Variants in COL16A1 observed in about 807,000 individuals in gnomAD.
COL16A1 encodes collagen alpha-1(XVI) chain.
COL16A1 carries 189 observed loss-of-function variants against 266.3 expected under a neutral mutation model. The observed-to-expected ratio is 0.71, with a 90% CI of 0.63 to 0.80. COL16A1 has a LOEUF of 0.80. Among genes scored for constraint, COL16A1 ranks in the 30% least tolerant of loss-of-function variants. The probability of loss-of-function intolerance (pLI) is 0.00; values close to 1 mark genes in which losing one functional copy is unlikely to be tolerated. For synonymous variants in COL16A1, 740 were observed against 782.3 expected (o/e 0.95, Z 0.90); for missense variants, 1,928 against 2,122.4 (o/e 0.91, Z 1.80).
At chr1:31,684,933 G>T (rs1643898164) in intron 29 of COL16A1, 77 bp from the exon 30 acceptor site, 1 of 1,606,188 alleles carries the variant, frequency 6.2e-7, no homozygotes, top group Non-Finnish European at 8.5e-7. Context: ...TCAGGCTGGG[G>T]CATACAACAG....
In COL16A1 at chr1:31,655,517, A is replaced by G; in HGVS notation, c.4102-15T>C. 1.9e-6 allele frequency: 3 copies of G among 1,612,072 alleles called. No individual in the cohort carries two copies. The highest frequency in any genetic ancestry group is 2.5e-6 in the Non-Finnish European group (3 of 1,178,870). ...CCTGGATCACCCTACAAAGATAGATACTTAGTGCTGTCAAATTTACATCAT... is the reference window on the plus strand; with the variant it reads ...CCTGGATCACCCTACAAAGATAGATGCTTAGTGCTGTCAAATTTACATCAT... On this transcript the variant is annotated splice_polypyrimidine_tract_variant and intron_variant, in intron 66 of 70. Transcript: ENST00000373672.
At chr1:31,666,417 C>A (rs1453013299) in intron 52 of COL16A1, 2 of 329,354 alleles carry the variant, frequency 6.1e-6, no homozygotes, top group Non-Finnish European at 1.1e-5. Flanking sequence ...CACTTTCCAC[C>A]AACGCTGGTC....
At position 31,670,580 on chromosome 1, in the gene COL16A1, T is replaced by C; in HGVS notation, c.3195+22A>G. 1 of 1,337,988 alleles carries C rather than the reference T, an allele frequency of 7.5e-7. No individual in the cohort carries two copies. Among genetic ancestry groups the C allele is most frequent in the Admixed American group, 4.1e-5 (1 of 24,324 alleles). 82.9% of individuals were successfully genotyped at this position (1,337,988 alleles called of 1,614,324 possible). On this transcript the variant is annotated intron_variant, in intron 49 of 70. Transcript: ENST00000373672. This position sits in a 1 kb window ranked among gnomAD's most constrained non-coding sequence, Gnocchi z 4.5. ...CCTGGCTGACGGGGGGGAGGGGAGG[T>C]CGAGCAGCGCTAGGTTCTTACAGGC... is the stretch of plus-strand genomic sequence containing the variant.
intron 54 of COL16A1, 54 bp from the exon 55 acceptor site, chr1:31,665,672 G>A: frequency 6.2e-7 from 1 of 1,603,234 alleles, no homozygotes; most frequent in Non-Finnish European, 8.5e-7. Flanking sequence ...CTCCTGCCTG[G>A]CTGCCCAGGT....
In COL16A1 at chr1:31,656,842, GT is replaced by G; in HGVS notation, c.4056+190del. On this transcript the variant is annotated intron_variant, in intron 65 of 70. Coordinates refer to ENST00000373672, the MANE Select transcript of COL16A1 (RefSeq NM_001856.4). The surrounding 1 kb of genome is among the most constrained non-coding windows in gnomAD (Gnocchi z 4.2). ...AGGGTTTAAAAAAAAAAAAAAAAAG[GT>G]AAAACAAATCTCACTCCCATCCTTG... The G allele has an allele frequency of 1.7e-6, 1 of 596,506 alleles. No homozygotes were observed. Among genetic ancestry groups the G allele is most frequent in the African/African-American group, 1.9e-5 (1 of 51,982 alleles). 37.0% of individuals were successfully genotyped at this position (596,506 alleles called of 1,614,324 possible).
At chr1:31,692,573 G>A (rs1232411961) in intron 15 of COL16A1, 25 bp downstream of exon 15, 10 of 1,613,938 alleles carry the variant, frequency 6.2e-6, no homozygotes, top group Non-Finnish European at 7.6e-6. Context: ...CACCATCCCT[G>A]CCCTATCCCT....
intron 62 of COL16A1, 23 bp downstream of exon 62, chr1:31,660,562 G>A: frequency 6.2e-7 from 1 of 1,613,574 alleles, no homozygotes; most frequent in Non-Finnish European, 8.5e-7. Context: ...TATGGAGACA[G>A]AGACAAAAGT....
At chr1:31,679,424 T>C (rs771834070) in intron 42 of COL16A1, 46 of 1,570,784 alleles carry the variant, frequency 2.9e-5, no homozygotes, top group Middle Eastern at 1.7e-4. Flanking sequence ...AGTGCATTGC[T>C]TGAAACAGTG....
Position 31,652,774 on chromosome 1 carries a change from C to A in COL16A1, c.4692G>T (p.Gly1564=). 6.3e-7 allele frequency: 1 copy of A among 1,598,754 alleles called. No homozygotes were observed. Among genetic ancestry groups the A allele is most frequent in the Non-Finnish European group, 8.5e-7 (1 of 1,175,388 alleles). The change falls in exon 71 of 71, where the codon GGG becomes GGT. Residue 1564 remains glycine, a synonymous_variant. Transcript: ENST00000373672. This position sits in a 1 kb window ranked among gnomAD's most constrained non-coding sequence, Gnocchi z 4.8. The part of the protein sequence containing the change: ...MGQQGIPGIP[G]PPGPMGQPGK... ...CTGGCTGGCCCATGGGACCCGGGGG[C>A]CCAGGGATGCCAGGGATGCCTTGCT...
intron 37 of COL16A1, among the ~76,000 whole-genome samples, chr1:31,682,636 ATCTATGAAGTGAGT>A (rs1418259548): frequency 6.6e-6 from 1 of 152,170 alleles, no homozygotes; most frequent in Non-Finnish European, 1.5e-5. Context: ...CAACTTCCTG[ATCTATGAAGTGAGT>A]TCCCTTACAG....
rs1387374623 is a variant in COL16A1 at position 31,668,396 on chromosome 1, C to A, written c.3250-178G>T. Among the ~76,000 whole-genome samples, 2 of 152,196 alleles carry A rather than the reference C, an allele frequency of 1.3e-5. No homozygotes were observed. The highest frequency in any genetic ancestry group is 1.9e-4 in the East Asian group (1 of 5,198). On this transcript the variant is annotated intron_variant, in intron 50 of 70. Transcript: ENST00000373672. The surrounding 1 kb of genome is among the most constrained non-coding windows in gnomAD (Gnocchi z 5.8). ...CCCAGGTCCCCTCGGTCGTGACCAC[C>A]ACCACAGACCTGGGCTGGGGAGGCG...
Position 31,698,094 on chromosome 1 carries a change from T to A in COL16A1, c.469A>T (p.Ile157Phe). Residue 157 changes from isoleucine (I) to phenylalanine (F), a missense_variant, in exon 6 of 71, where the codon ATC becomes TTC. By Grantham distance (21) the Ile-to-Phe change is conservative. Coordinates refer to ENST00000373672, the MANE Select transcript of COL16A1 (RefSeq NM_001856.4). This position sits in a 1 kb window ranked among gnomAD's most constrained non-coding sequence, Gnocchi z 4.1. The part of the protein sequence containing the change: ...QGQDGDFVSC[I>F]FPVPQLFDLR... The stretch of plus-strand genomic sequence containing the variant: ...TCGAAGAGCTGGGGCACTGGGAAGA[T>A]GCAGGACACAAAGTCGCCATCCTGG... 1.2e-6 allele frequency: 2 copies of A among 1,613,972 alleles called. No individual in the cohort carries two copies. Among genetic ancestry groups the A allele is most frequent in the Non-Finnish European group, 1.7e-6 (2 of 1,180,026 alleles).
In COL16A1 at chr1:31,663,673, T is replaced by A. The variant is rs967418151; in HGVS notation, c.3556-1015A>T. On this transcript the variant is annotated intron_variant, in intron 56 of 70. Transcript: ENST00000373672. This position sits in a 1 kb window ranked among gnomAD's most constrained non-coding sequence, Gnocchi z 4.9. ...GTTGTCTTAGCCAGGGAATCTCCGC[T>A]TGTATTTGTTTTATAGATTGAGGTT... Among the ~76,000 whole-genome samples, 1 of 152,206 alleles carries A rather than the reference T, an allele frequency of 6.6e-6. No individual in the cohort carries two copies. The highest frequency in any genetic ancestry group is 2.4e-5 in the African/African-American group (1 of 41,444).
rs1641778193 is a variant in COL16A1, at chr1:31,662,597, G to C, written c.3617C>G (p.Pro1206Arg). 6.4e-7 allele frequency: 1 copy of C among 1,567,588 alleles called. No homozygotes were observed. The highest frequency in any genetic ancestry group is 2.4e-5 in the East Asian group (1 of 42,548). The part of the protein sequence containing the change: ...LPGSPGPPGP[P>R]GIQGPAGLDG... ...AGGGCACACACTCACCTGAATCCCA[G>C]GAGGTCCCGGTGGCCCAGGGGAGCC... Residue 1206 changes from proline to arginine, a missense_variant, in exon 57 of 71, where the codon CCT becomes CGT. Pro to Arg is a moderately radical substitution (Grantham distance 103). This residue lies in a region of COL16A1 where 1,552 missense variants were observed against 1,637.2 expected (regional missense o/e 0.95). Coordinates refer to ENST00000373672, the MANE Select transcript of COL16A1 (RefSeq NM_001856.4).
Position 31,684,602 on chromosome 1 carries a change from C to T in COL16A1, c.2081G>A (p.Gly694Glu). The T allele has an allele frequency of 6.2e-7, 1 of 1,613,832 alleles. No individual in the cohort carries two copies. Among genetic ancestry groups the T allele is most frequent in the Non-Finnish European group, 8.5e-7 (1 of 1,179,962 alleles). Residue 694 changes from glycine to glutamate, a missense_variant, in exon 31 of 71, where the codon GGA becomes GAA. By Grantham distance (98) the Gly-to-Glu change is moderately conservative. Around this residue, in one of 2 missense-constraint regions of COL16A1, gnomAD observed 1,552 missense variants for 1,637.2 expected, o/e 0.95. Transcript: ENST00000373672. ...KGDAGNPGDP[G>E]TPGTTGRPGL... ...TGGCCGCCCTGTGGTGCCCGGCGTT[C>T]CAGGGTCTCCAGGATTCCCAGCATC... is the stretch of plus-strand genomic sequence containing the variant.
rs1308824134 is a variant in COL16A1, at chr1:31,688,079, T to C, written c.1803+388A>G. On this transcript the variant is annotated intron_variant, in intron 26 of 70. Coordinates refer to ENST00000373672, the MANE Select transcript of COL16A1 (RefSeq NM_001856.4). The surrounding 1 kb of genome is among the most constrained non-coding windows in gnomAD (Gnocchi z 4.9). Reference sequence around the variant, plus strand: ...CTTTGTGTGCCTCCGTTTCCTCATCTGTGAAATGGGAATAATGGAGCACAT... The same window carrying C: ...CTTTGTGTGCCTCCGTTTCCTCATCCGTGAAATGGGAATAATGGAGCACAT... Among the ~76,000 whole-genome samples, 1 of 152,146 alleles carries C rather than the reference T, an allele frequency of 6.6e-6. No homozygotes were observed. Among genetic ancestry groups the C allele is most frequent in the Non-Finnish European group, 1.5e-5 (1 of 68,028 alleles).
chr1:31,683,394 G>A, intron 34 of COL16A1, 25 bp from the exon 35 acceptor site: 3 of 1,613,310 alleles, frequency 1.9e-6, no homozygotes, highest in Non-Finnish European at 1.7e-6. Context: ...GGGCAGACTA[G>A]GGCACAGCAG....
In COL16A1 at chr1:31,685,828, G is replaced by A. The variant is rs1398703050; in HGVS notation, c.1885-58C>T. The A allele has an allele frequency of 3.1e-6, 5 of 1,599,364 alleles. No individual in the cohort carries two copies. In the East Asian group the frequency reaches 9.0e-5, roughly 29 times the overall value. ...CCCAGGCCCTAGTGCACTTGAGCGA[G>A]GTTTGGAATCTAGGGCTGGGGAATG... On this transcript the variant is annotated intron_variant, in intron 28 of 70. Coordinates refer to ENST00000373672, the MANE Select transcript of COL16A1 (RefSeq NM_001856.4). The surrounding 1 kb of genome is among the most constrained non-coding windows in gnomAD (Gnocchi z 4.0).
At chr1:31,691,084 CT>C in intron 20 of COL16A1, 103 bp downstream of exon 20, 2 of 1,524,994 alleles carry the variant, frequency 1.3e-6, no homozygotes, top group Non-Finnish European at 1.8e-6. Context: ...GCCCGGCCTC[CT>C]CCCTGGGACT....
Sources: gnomAD v4.1 joint callset for allele counts (sites outside exome capture counted in the v4.1 genomes callset) on GRCh38, gnomAD v4.1.1 for gene constraint, gnomAD v4.1.1 regional missense constraint, Gnocchi (gnomAD v3.1) non-coding constraint, MANE v1.5 for transcripts, NCBI Gene and HGNC (gene_info 2026-07-23, HGNC 2026-07-21) for gene names.